TDRD3: variants seen among roughly 807,000 people sequenced by gnomAD.
The protein encoded by TDRD3 is tudor domain containing 3.
A neutral mutation model predicts 86.7 loss-of-function variants in TDRD3; 45 were observed. The observed-to-expected ratio is 0.52, with a 90% CI of 0.41 to 0.67. The LOEUF (loss-of-function observed/expected upper bound fraction) is 0.67. Among genes scored for constraint, TDRD3 ranks in the 30% least tolerant of loss-of-function variants. TDRD3 has a pLI of 0.00. For missense variants in TDRD3, 814 were observed against 889.0 expected, an observed-to-expected ratio of 0.92 and a Z score of 1.07; for synonymous variants, 298 against 301.7, an observed-to-expected ratio of 0.99 and a Z score of 0.13.
At chr13:60,570,825 T>C (rs1958570564) in intron 13 of TDRD3, among the ~76,000 whole-genome samples, 1 of 152,178 alleles carries the variant, frequency 6.6e-6, no homozygotes, top group Non-Finnish European at 1.5e-5. Context: ...GTTTCTTTCA[T>C]ATATTTTATA....
At chr13:60,416,345 AT>A (rs1210869019) in intron 1 of TDRD3, among the ~76,000 whole-genome samples, 1 of 152,160 alleles carries the variant, frequency 6.6e-6, no homozygotes, top group African/African-American at 2.4e-5. Flanking sequence ...TTATTGAAAG[AT>A]GGTGATACTT....
intron 12 of TDRD3, among the ~76,000 whole-genome samples, chr13:60,565,588 T>C (rs2273885): frequency 0.16 from 23,872 of 152,086 alleles, 2,102 homozygotes; most frequent in African/African-American, 0.23. Context: ...GCAAATACAG[T>C]GTCCTATCTC....
chr13:60,535,298 A>G, intron 12 of TDRD3, 65 bp downstream of exon 12: 2 of 1,469,718 alleles, frequency 1.4e-6, no homozygotes, highest in Non-Finnish European at 1.8e-6. Context: ...GCTCTAAAGA[A>G]TTAGATAGCC....
chr13:60,526,616 GTT>G (rs76831708), intron 10 of TDRD3, among the ~76,000 whole-genome samples: 6 of 132,244 alleles, frequency 4.5e-5, no homozygotes, highest in African/African-American at 5.5e-5. Flanking sequence ...TTGGGGGAAA[GTT>G]TTTTTTTTTT....
At chr13:60,442,997 T>C (rs1317951327) in intron 2 of TDRD3, among the ~76,000 whole-genome samples, 1 of 152,092 alleles carries the variant, frequency 6.6e-6, no homozygotes, top group South Asian at 2.1e-4. Context: ...GTATGTATTC[T>C]GTTTCTCATT....
chr13:60,513,165 G>C (rs901034044), intron 10 of TDRD3, among the ~76,000 whole-genome samples: 12 of 152,210 alleles, frequency 7.9e-5, no homozygotes, highest in African/African-American at 2.9e-4. Context: ...CTTGAGGCAT[G>C]CACCATCTGC....
chr13:60,442,371 ATGTG>A (rs35214486), intron 2 of TDRD3, among the ~76,000 whole-genome samples: 22,701 of 150,494 alleles, frequency 0.15, 2,109 homozygotes, highest in South Asian at 0.28. Flanking sequence ...TAGGGATTTT[ATGTG>A]TGTGTGTGTG....
chr13:60,431,022 G>A (rs1293153985), intron 1 of TDRD3, among the ~76,000 whole-genome samples: 4 of 151,996 alleles, frequency 2.6e-5, no homozygotes, highest in Non-Finnish European at 5.9e-5. Flanking sequence ...ATTTCCAGAC[G>A]ATATAGATGT....
At chr13:60,445,234 T>A (rs1955373162) in intron 3 of TDRD3, among the ~76,000 whole-genome samples, 1 of 152,216 alleles carries the variant, frequency 6.6e-6, no homozygotes, top group Non-Finnish European at 1.5e-5. Context: ...TTATGAATTT[T>A]TTTGCGTCAG....
chr13:60,557,820 A>ATTTTTTTTTTTTTTTTTTTTTGTTTTTT (rs1958236224), intron 12 of TDRD3, among the ~76,000 whole-genome samples: 1 of 88,252 alleles, frequency 1.1e-5, no homozygotes, highest in Non-Finnish European at 2.2e-5. Flanking sequence ...TTTTTTCCTG[A>ATTTTTTTTTTTTTTTTTTTTTGTTTTTT]TTTTTTTTTT....
intron 3 of TDRD3, among the ~76,000 whole-genome samples, chr13:60,455,193 G>C (rs374621109): frequency 1.6e-4 from 25 of 152,320 alleles, no homozygotes; most frequent in African/African-American, 6.0e-4. Flanking sequence ...GATTACAGGT[G>C]TGTGCCACCA....
chr13:60,481,658 C>A (rs1044553617), intron 5 of TDRD3, among the ~76,000 whole-genome samples: 2 of 152,048 alleles, frequency 1.3e-5, no homozygotes, highest in Middle Eastern at 3.4e-3. Flanking sequence ...TAAATACTTA[C>A]ACATAGTTTT....
At chr13:60,407,464 C>T (rs947525144) in intron 1 of TDRD3, among the ~76,000 whole-genome samples, 1 of 152,128 alleles carries the variant, frequency 6.6e-6, no homozygotes, top group African/African-American at 2.4e-5. Flanking sequence ...GTGATCTCCT[C>T]AGAAATGCAG....
intron 10 of TDRD3, among the ~76,000 whole-genome samples, chr13:60,513,952 A>G (rs1957113744): frequency 2.0e-5 from 3 of 152,212 alleles, no homozygotes; most frequent in African/African-American, 7.2e-5. Flanking sequence ...TAACCCGAAA[A>G]TGTGGAAGTG....
chr13:60,555,198 A>G (rs193015264), intron 12 of TDRD3, among the ~76,000 whole-genome samples: 6 of 152,220 alleles, frequency 3.9e-5, no homozygotes, highest in Non-Finnish European at 8.8e-5. Flanking sequence ...TGAAATCTCA[A>G]TGTAAGCAAA....
chr13:60,541,813 C>T (rs574128993), intron 12 of TDRD3, among the ~76,000 whole-genome samples: 3 of 145,282 alleles, frequency 2.1e-5, no homozygotes, highest in Non-Finnish European at 3.0e-5. Context: ...CCACAACCTC[C>T]GCCTCCTGGG....
chr13:60,566,491 T>G (rs1958462667), intron 12 of TDRD3, among the ~76,000 whole-genome samples: 1 of 152,122 alleles, frequency 6.6e-6, no homozygotes, highest in Non-Finnish European at 1.5e-5. Flanking sequence ...AGCAATATTT[T>G]GAGAAAGAAG....
At chr13:60,442,797 C>T (rs1316987310) in intron 2 of TDRD3, among the ~76,000 whole-genome samples, 1 of 151,864 alleles carries the variant, frequency 6.6e-6, no homozygotes, top group Non-Finnish European at 1.5e-5. Flanking sequence ...AGTAAATTAA[C>T]TGGGTTTAGA....
intron 1 of TDRD3, among the ~76,000 whole-genome samples, chr13:60,408,393 G>T (rs573911044): frequency 3.5e-4 from 53 of 152,334 alleles, no homozygotes; most frequent in African/African-American, 1.2e-3. Flanking sequence ...TGGGTAACAG[G>T]CAGAGGTTGG....
Sources: allele counts gnomAD v4.1 joint callset (sites outside exome capture counted in the v4.1 genomes callset), GRCh38; gene constraint gnomAD v4.1.1; transcripts MANE v1.5; gene names NCBI Gene and HGNC (gene_info 2026-07-23, HGNC 2026-07-21).